The following HACD4 variants were observed in gnomAD, a reference collection of about 807,000 sequenced individuals.
The protein encoded by HACD4 is 3-hydroxyacyl-CoA dehydratase 4.
In HACD4, 35 loss-of-function variants were observed where a neutral mutation model predicts 33.3. That is an observed-to-expected ratio of 1.05 (90% CI 0.80 to 1.39). HACD4 has a LOEUF of 1.39. Ranked by LOEUF, HACD4 falls within the 40% of genes most tolerant of loss-of-function variation. The pLI, the probability that HACD4 is intolerant of heterozygous loss-of-function variation, is 0.00. For missense variants in HACD4, 323 were observed against 276.5 expected, an observed-to-expected ratio of 1.17 and a Z score of -1.19; for synonymous variants, 118 against 98.0, an observed-to-expected ratio of 1.20 and a Z score of -1.21.
rs1197087527 is a variant in HACD4 at position 21,020,291 on chromosome 9, G to C, written c.271-4281C>G. On this transcript the variant is annotated intron_variant, in intron 3 of 6. Transcript: ENST00000495827. ...TTAATTCAATTACAAATGAAATATTGGCATTTAAAGCATTTCTCAAAAAGT... is the reference window on the plus strand; with the variant it reads ...TTAATTCAATTACAAATGAAATATTCGCATTTAAAGCATTTCTCAAAAAGT... 3.3e-5 allele frequency among the ~76,000 whole-genome samples: 5 copies of C among 152,012 alleles called. No homozygotes were observed. In the East Asian group the frequency reaches 7.7e-4, roughly 23 times the overall value.
At chr9:21,017,531 C>G (rs545205060) in intron 3 of HACD4, among the ~76,000 whole-genome samples, 2 of 152,262 alleles carry the variant, frequency 1.3e-5, no homozygotes, top group East Asian at 1.9e-4. Flanking sequence ...CCTTCAGATA[C>G]ACGATCATAG....
intron 3 of HACD4, among the ~76,000 whole-genome samples, chr9:21,017,240 A>T (rs914976563): frequency 3.3e-5 from 5 of 152,278 alleles, no homozygotes; most frequent in Non-Finnish European, 7.4e-5. Flanking sequence ...AAGATTTGCC[A>T]ACAGTGGGCC....
At chr9:21,022,423 A>G (rs1041002389) in intron 3 of HACD4, among the ~76,000 whole-genome samples, 5 of 152,236 alleles carry the variant, frequency 3.3e-5, no homozygotes, top group Admixed American at 6.5e-5. Flanking sequence ...AGAAACTACC[A>G]TCAGAGTGAA....
chr9:21,021,866 C>T (rs1389416753), intron 3 of HACD4, among the ~76,000 whole-genome samples: 1 of 152,016 alleles, frequency 6.6e-6, no homozygotes, highest in Admixed American at 6.6e-5. Context: ...CTTCACGGAA[C>T]TGGAAAAAAC....
chr9:21,007,323 A>T (rs1036572620), intron 6 of HACD4, among the ~76,000 whole-genome samples: 2 of 152,102 alleles, frequency 1.3e-5, no homozygotes, highest in Non-Finnish European at 2.9e-5. Flanking sequence ...TACTTTTTTT[A>T]ATGCAAGGAA....
chr9:21,014,329 A>G (rs1842507273), intron 4 of HACD4, among the ~76,000 whole-genome samples: 2 of 152,220 alleles, frequency 1.3e-5, no homozygotes, highest in Non-Finnish European at 2.9e-5. Flanking sequence ...CCATCAACTG[A>G]TAAGTGGATA....
At chr9:21,018,128 A>G (rs902247919) in intron 3 of HACD4, among the ~76,000 whole-genome samples, 84 of 152,268 alleles carry the variant, frequency 5.5e-4, no homozygotes, top group African/African-American at 1.8e-3. Context: ...TGGTTATTCA[A>G]CTCTAACTTG....
At chr9:21,030,390 C>T (rs957534341) in intron 1 of HACD4, among the ~76,000 whole-genome samples, 2 of 151,806 alleles carry the variant, frequency 1.3e-5, no homozygotes, top group South Asian at 2.1e-4. Context: ...TGCAGTGAAC[C>T]GAGACAGCGC....
In HACD4 at chr9:21,004,373, T is replaced by G. The variant is rs939000649; in HGVS notation, c.*2664A>C. 1.3e-5 allele frequency: 2 copies of G among 152,218 alleles called. No homozygotes were observed. Among genetic ancestry groups the G allele is most frequent in the African/African-American group, 4.8e-5 (2 of 41,458 alleles). 9.4% of individuals were successfully genotyped at this position (152,218 alleles called of 1,614,324 possible). On this transcript the variant is annotated 3_prime_UTR_variant, in exon 7 of 7. Transcript: ENST00000495827. This position sits in a 1 kb window ranked among gnomAD's most constrained non-coding sequence, Gnocchi z 4.6. ...GATGTTAACAAATACATGACATTAA[T>G]GAATACTCTATCAGAGCACTAGGGA...
intron 3 of HACD4, chr9:21,017,755 T>G (rs1261377525): frequency 6.6e-6 from 1 of 152,180 alleles, no homozygotes; most frequent in Admixed American, 6.5e-5. Context: ...AGATAAAACA[T>G]TCTGATACTA....
intron 3 of HACD4, among the ~76,000 whole-genome samples, chr9:21,020,638 G>A (rs910611430): frequency 2.0e-5 from 3 of 152,144 alleles, no homozygotes; most frequent in African/African-American, 7.2e-5. Flanking sequence ...GATTGGAGAG[G>A]AGAAATACCT....
At chr9:21,013,301 A>C (rs1842482293) in intron 4 of HACD4, among the ~76,000 whole-genome samples, 1 of 152,068 alleles carries the variant, frequency 6.6e-6, no homozygotes, top group South Asian at 2.1e-4. Flanking sequence ...TTCCCCATTG[A>C]ATGGTCTTGG....
intron 5 of HACD4, among the ~76,000 whole-genome samples, chr9:21,008,874 A>G (rs1359933321): frequency 2.0e-5 from 3 of 152,070 alleles, no homozygotes; most frequent in Non-Finnish European, 2.9e-5. Flanking sequence ...TATTTTTGCA[A>G]TTTCTTATGG....
chr9:21,018,525 A>T (rs1817819919), intron 3 of HACD4, among the ~76,000 whole-genome samples: 1 of 152,218 alleles, frequency 6.6e-6, no homozygotes, highest in Non-Finnish European at 1.5e-5. Flanking sequence ...TGATTTTCTT[A>T]ACACCAAAAC....
chr9:21,029,339 C>G lies in HACD4; in HGVS notation c.98G>C (p.Trp33Ser). 2 of 1,601,670 alleles carry G rather than the reference C, an allele frequency of 1.2e-6. No individual in the cohort carries two copies. Among genetic ancestry groups the G allele is most frequent in the Non-Finnish European group, 1.7e-6 (2 of 1,170,260 alleles). ...TCTGACTGTCATATTTGTAAATATC[C>G]AAGAGTGGCCACAGAACTGGATTAA... Reference protein sequence around the residue: ...YYLIQFCGHSWIFTNMTVRFF... With the variant: ...YYLIQFCGHSSIFTNMTVRFF... Residue 33 changes from tryptophan (W) to serine (S), a missense_variant, in exon 2 of 7, where the codon TGG becomes TCG. Trp to Ser is a radical substitution (Grantham distance 177). Coordinates refer to ENST00000495827, the MANE Select transcript of HACD4 (RefSeq NM_001010915.5).
At chr9:21,007,601 A>G (rs972317887) in intron 6 of HACD4, among the ~76,000 whole-genome samples, 3 of 152,176 alleles carry the variant, frequency 2.0e-5, no homozygotes, top group African/African-American at 7.2e-5. Flanking sequence ...TGAGTCTGTA[A>G]CACCGACTCC....
intron 3 of HACD4, among the ~76,000 whole-genome samples, chr9:21,022,383 A>C (rs1038355702): frequency 1.3e-5 from 2 of 152,336 alleles, no homozygotes; most frequent in Non-Finnish European, 2.9e-5. Context: ...AATGGGATCT[A>C]ATTAAACTAA....
chr9:21,010,371 A>G (rs1842383189), intron 5 of HACD4, among the ~76,000 whole-genome samples: 1 of 151,628 alleles, frequency 6.6e-6, no homozygotes, highest in Admixed American at 6.6e-5. Context: ...CTCATACTCA[A>G]TAATTCATTC....
chr9:21,031,302 G>T (rs1587845206), intron 1 of HACD4: 1 of 271,218 alleles, frequency 3.7e-6, no homozygotes, highest in Non-Finnish European at 5.7e-6. Flanking sequence ...CAAGGGCAGG[G>T]GTAGCCATGC....
Sources: gnomAD v4.1 joint callset for allele counts (sites outside exome capture counted in the v4.1 genomes callset) on GRCh38, gnomAD v4.1.1 for gene constraint, Gnocchi (gnomAD v3.1) non-coding constraint, MANE v1.5 for transcripts, NCBI Gene and HGNC (gene_info 2026-07-23, HGNC 2026-07-21) for gene names.